The following ADARB2 variants were observed in gnomAD, a reference collection of about 807,000 sequenced individuals.
ADARB2 encodes adenosine deaminase RNA specific B2 (inactive), also known as inactive double-stranded RNA-specific editase B2.
In ADARB2, 25 loss-of-function variants were observed where a neutral mutation model predicts 62.2. That is an observed-to-expected ratio of 0.40 (90% CI 0.29 to 0.56). The LOEUF is 0.56. ADARB2 is among the 20% of genes least tolerant of loss of function. The pLI, the probability that ADARB2 is intolerant of heterozygous loss-of-function variation, is 0.43. For missense variants in ADARB2, 1,071 were observed against 1,077.4 expected (o/e 0.99, Z 0.08); for synonymous variants, 572 against 500.8 (o/e 1.14, Z -1.90).
At chr10:1,279,030 G>C (rs759783374) in intron 3 of ADARB2, among the ~76,000 whole-genome samples, 7 of 152,180 alleles carry the variant, frequency 4.6e-5, no homozygotes, top group Admixed American at 1.3e-4. Flanking sequence ...TTTCCCACCA[G>C]TTATTATCAG....
chr10:1,653,428 G>A (rs1834135326), intron 1 of ADARB2, among the ~76,000 whole-genome samples: 2 of 152,112 alleles, frequency 1.3e-5, no homozygotes, highest in African/African-American at 4.8e-5. Flanking sequence ...AGGCTCTGTG[G>A]GGTCCCAGGA....
In ADARB2 at chr10:1,411,343, C is replaced by T. The variant is rs189358548; in HGVS notation, c.101-32183G>A. The stretch of plus-strand genomic sequence containing the variant: ...CCTTCAAGTGCACCGGAGGCTCCGT[C>T]GTTAGCCCACCCGTCCCCACCAGCC... On this transcript the variant is annotated intron_variant, in intron 1 of 9. Coordinates refer to ENST00000381312, the MANE Select transcript of ADARB2 (RefSeq NM_018702.4). Among the ~76,000 whole-genome samples the T allele has an allele frequency of 3.3e-5, 5 of 152,308 alleles. No homozygotes were observed. The East Asian group carries it at 5.8e-4, about 18-fold the overall frequency.
intron 6 of ADARB2, among the ~76,000 whole-genome samples, chr10:1,227,798 T>G (rs1830761890): frequency 6.6e-6 from 1 of 152,084 alleles, no homozygotes; most frequent in Non-Finnish European, 1.5e-5. Flanking sequence ...CCAAATAAAT[T>G]TTAGATTTTC....
chr10:1,591,070 A>C (rs1833245861), intron 1 of ADARB2, among the ~76,000 whole-genome samples: 2 of 152,206 alleles, frequency 1.3e-5, no homozygotes, highest in Non-Finnish European at 2.9e-5. Context: ...CTGTTCTAAG[A>C]ATCTGTGTCC....
intron 4 of ADARB2, among the ~76,000 whole-genome samples, chr10:1,247,049 A>G (rs1054317286): frequency 2.7e-4 from 41 of 152,258 alleles, no homozygotes; most frequent in African/African-American, 8.9e-4. Context: ...GGTCCTTCAC[A>G]TCCCTTGTAA....
In ADARB2 at chr10:1,232,951, A is replaced by G. The variant is rs1161941121; in HGVS notation, c.1513+743T>C. On this transcript the variant is annotated intron_variant, in intron 6 of 9. Transcript: ENST00000381312. Reference sequence around the variant, plus strand: ...TGTGTGTGTGGTGTATGTGGTATATACATATATGTGTGTGACATATGCAGA... The same window carrying G: ...TGTGTGTGTGGTGTATGTGGTATATGCATATATGTGTGTGACATATGCAGA... Among the ~76,000 whole-genome samples the G allele has an allele frequency of 3.3e-5, 5 of 152,100 alleles. No individual in the cohort carries two copies. In the South Asian group the frequency reaches 6.2e-4, roughly 19 times the overall value.
intron 3 of ADARB2, among the ~76,000 whole-genome samples, chr10:1,331,375 A>G (rs1461951698): frequency 6.6e-6 from 1 of 152,276 alleles, no homozygotes; most frequent in Non-Finnish European, 1.5e-5. Flanking sequence ...TCAGCTGACA[A>G]ATGGATAAAT....
chr10:1,615,665 G>A (rs1348656861), intron 1 of ADARB2, among the ~76,000 whole-genome samples: 1 of 152,224 alleles, frequency 6.6e-6, no homozygotes, highest in African/African-American at 2.4e-5. Flanking sequence ...TGCTGGATTT[G>A]GAGATGTAGT....
intron 1 of ADARB2, among the ~76,000 whole-genome samples, chr10:1,708,797 A>G (rs1287528429): frequency 6.6e-6 from 1 of 152,216 alleles, no homozygotes; most frequent in Non-Finnish European, 1.5e-5. Context: ...TCACCATCAC[A>G]TATGAAATCC....
intron 4 of ADARB2, among the ~76,000 whole-genome samples, chr10:1,250,835 A>C (rs1831031711): frequency 6.6e-6 from 1 of 152,224 alleles, no homozygotes; most frequent in Non-Finnish European, 1.5e-5. Flanking sequence ...GCCCTAGTGT[A>C]CATCAAGCAG....
chr10:1,289,914 T>G (rs937883823), intron 3 of ADARB2: 1 of 151,348 alleles, frequency 6.6e-6, no homozygotes, highest in African/African-American at 2.4e-5. Context: ...GGAGATGCGT[T>G]AGAGCAGGCA....
intron 1 of ADARB2, among the ~76,000 whole-genome samples, chr10:1,696,221 G>A (rs578252094): frequency 6.6e-6 from 1 of 152,212 alleles, no homozygotes; most frequent in South Asian, 2.1e-4. Context: ...CTGTGTATAT[G>A]TGCGTATATG....
chr10:1,447,004 ATTAT>A (rs1406323372), intron 1 of ADARB2, among the ~76,000 whole-genome samples: 2 of 152,242 alleles, frequency 1.3e-5, no homozygotes, highest in Non-Finnish European at 2.9e-5. Flanking sequence ...TTGAAAATTG[ATTAT>A]TTAATCACTT....
At chr10:1,263,613 G>C (rs1171933721) in intron 4 of ADARB2, among the ~76,000 whole-genome samples, 5 of 152,218 alleles carry the variant, frequency 3.3e-5, no homozygotes, top group Non-Finnish European at 7.3e-5. Context: ...GAACAGCTTT[G>C]ATTGGAGTAC....
At chr10:1,654,540 C>T (rs530180547) in intron 1 of ADARB2, among the ~76,000 whole-genome samples, 1 of 152,350 alleles carries the variant, frequency 6.6e-6, no homozygotes, top group African/African-American at 2.4e-5. Flanking sequence ...GTGCAGTGTG[C>T]CCCAGCTTCC....
chr10:1,210,420 G>C (rs1270551000), intron 7 of ADARB2, among the ~76,000 whole-genome samples: 4 of 152,198 alleles, frequency 2.6e-5, no homozygotes, highest in African/African-American at 9.7e-5. Flanking sequence ...CCTCGTGTGG[G>C]ATGAGACTCG....
At chr10:1,326,044 T>G (rs1831841655) in intron 3 of ADARB2, among the ~76,000 whole-genome samples, 1 of 152,186 alleles carries the variant, frequency 6.6e-6, no homozygotes. Flanking sequence ...CAATAAAAAG[T>G]TAAAACAGTA....
chr10:1,534,563 A>G (rs527871694), intron 1 of ADARB2: 11 of 152,268 alleles, frequency 7.2e-5, no homozygotes, highest in Admixed American at 1.3e-4. Context: ...TCCTCCCTTG[A>G]TGCTTCTGAA....
intron 1 of ADARB2, among the ~76,000 whole-genome samples, chr10:1,669,579 GACTC>G (rs544923854): frequency 2.0e-5 from 3 of 148,122 alleles, no homozygotes; most frequent in Admixed American, 1.3e-4. Context: ...CAAACACACA[GACTC>G]ACTCACAAAC....
Sources: gnomAD v4.1 joint callset for allele counts (sites outside exome capture counted in the v4.1 genomes callset) on GRCh38, gnomAD v4.1.1 for gene constraint, MANE v1.5 for transcripts, NCBI Gene and HGNC (gene_info 2026-07-23, HGNC 2026-07-21) for gene names.